The following CTNNA2 variants were observed in gnomAD, a reference collection of about 807,000 sequenced individuals.
CTNNA2 encodes catenin alpha 2, also known as catenin alpha-2.
A neutral mutation model predicts 101.0 loss-of-function variants in CTNNA2; 42 were observed. The ratio of observed to expected loss-of-function variants is 0.42; its 90% CI spans 0.32 to 0.54. CTNNA2 has a LOEUF of 0.54. Ranked by LOEUF, CTNNA2 falls within the 20% of genes least tolerant of loss-of-function variation. The probability of loss-of-function intolerance (pLI) is 0.14; values close to 1 mark genes in which losing one functional copy is unlikely to be tolerated. For missense variants in CTNNA2, 871 were observed against 1,223.1 expected, an observed-to-expected ratio of 0.71 and a Z score of 4.29; for synonymous variants, 450 against 456.4, an observed-to-expected ratio of 0.99 and a Z score of 0.18.
intron 2 of CTNNA2, among the ~76,000 whole-genome samples, chr2:79,200,812 C>A (rs551078888): frequency 6.6e-6 from 1 of 151,754 alleles, no homozygotes; most frequent in Non-Finnish European, 1.5e-5. Context: ...CCATTGAGCT[C>A]CTTGAAAAAA....
chr2:80,485,596 T>G (rs1157068840), intron 9 of CTNNA2, among the ~76,000 whole-genome samples: 1 of 152,226 alleles, frequency 6.6e-6, no homozygotes, highest in Non-Finnish European at 1.5e-5. Flanking sequence ...AATCCATATG[T>G]GTTTCAGTAG....
At chr2:80,478,113 A>C (rs1290135997) in intron 9 of CTNNA2, among the ~76,000 whole-genome samples, 2 of 152,034 alleles carry the variant, frequency 1.3e-5, no homozygotes, top group East Asian at 3.9e-4. Flanking sequence ...GTGTCTCACT[A>C]TAGTTTTAAT....
chr2:80,493,616 T>C (rs1687227424), intron 9 of CTNNA2, among the ~76,000 whole-genome samples: 1 of 152,200 alleles, frequency 6.6e-6, no homozygotes, highest in Non-Finnish European at 1.5e-5. Flanking sequence ...TATTATCTTA[T>C]GGGAATCACT....
chr2:79,427,742 T>C (rs1030855041), intron 4 of CTNNA2, among the ~76,000 whole-genome samples: 1 of 152,088 alleles, frequency 6.6e-6, no homozygotes, highest in African/African-American at 2.4e-5. Context: ...CTTCCGTTCA[T>C]ACTCTGAGGT....
chr2:79,595,948 CAG>C (rs1195665005), intron 1 of CTNNA2, among the ~76,000 whole-genome samples: 1 of 150,504 alleles, frequency 6.6e-6, no homozygotes, highest in Non-Finnish European at 1.5e-5. Flanking sequence ...GCGTATGACA[CAG>C]ATCCATTCCG....
chr2:79,371,110 A>G (rs563471014), intron 3 of CTNNA2, among the ~76,000 whole-genome samples: 1 of 149,058 alleles, frequency 6.7e-6, no homozygotes, highest in African/African-American at 2.5e-5. Flanking sequence ...GAAGCCGAAT[A>G]ACTTCTAGCA....
At chr2:79,909,034 AC>A (rs1685610699) in intron 6 of CTNNA2, among the ~76,000 whole-genome samples, 1 of 152,220 alleles carries the variant, frequency 6.6e-6, no homozygotes, top group African/African-American at 2.4e-5. Flanking sequence ...CAAGTCTCAT[AC>A]ACACATTAGG....
chr2:80,137,588 G>A (rs188708048), intron 7 of CTNNA2, among the ~76,000 whole-genome samples: 5 of 152,190 alleles, frequency 3.3e-5, no homozygotes, highest in Non-Finnish European at 7.4e-5. Context: ...ACTAATGAAA[G>A]GCTAGTTAAG....
chr2:79,874,012 TG>T (rs1343678843), intron 5 of CTNNA2, 63 bp from the exon 6 acceptor site: 68 of 1,584,268 alleles, frequency 4.3e-5, no homozygotes, highest in Non-Finnish European at 5.4e-5. Flanking sequence ...GACTCCAAAC[TG>T]TGTTGCAAAT....
chr2:79,808,334 G>T (rs543428124), intron 3 of CTNNA2, among the ~76,000 whole-genome samples: 2 of 152,272 alleles, frequency 1.3e-5, no homozygotes, highest in East Asian at 1.9e-4. Flanking sequence ...CAGAAAATAT[G>T]TTGGCGAGGC....
intron 1 of CTNNA2, among the ~76,000 whole-genome samples, chr2:79,600,115 C>G (rs963441778): frequency 6.6e-6 from 1 of 152,090 alleles, no homozygotes; most frequent in Admixed American, 6.6e-5. Context: ...AGAATAATAG[C>G]AGTAAGATCT....
At chr2:80,119,469 T>C (rs538366584) in intron 7 of CTNNA2, among the ~76,000 whole-genome samples, 1 of 152,306 alleles carries the variant, frequency 6.6e-6, no homozygotes, top group South Asian at 2.1e-4. Flanking sequence ...AATATCTGTG[T>C]CTGTCATACC....
At chr2:79,581,132 TA>T (rs1425810939) in intron 1 of CTNNA2, among the ~76,000 whole-genome samples, 7 of 152,228 alleles carry the variant, frequency 4.6e-5, no homozygotes, top group African/African-American at 1.7e-4. Flanking sequence ...GTAATCTTGT[TA>T]AACATTCCCC....
chr2:79,307,095 T>C (rs1380433204), intron 2 of CTNNA2, among the ~76,000 whole-genome samples: 1 of 149,452 alleles, frequency 6.7e-6, no homozygotes, highest in Non-Finnish European at 1.5e-5. Flanking sequence ...TTTTCTAACA[T>C]TTATTTTATT....
At chr2:79,280,657 A>AGAGACAGAGAGAG (rs1334847406) in intron 2 of CTNNA2, among the ~76,000 whole-genome samples, 2 of 50,300 alleles carry the variant, frequency 4.0e-5, no homozygotes, top group Non-Finnish European at 3.8e-5. Context: ...GTGTGTGTGT[A>AGAGACAGAGAGAG]AGAGAAAGAG....
intron 7 of CTNNA2, among the ~76,000 whole-genome samples, chr2:80,088,047 G>C (rs894746705): frequency 1.3e-5 from 2 of 151,974 alleles, no homozygotes; most frequent in Non-Finnish European, 2.9e-5. Context: ...GACCCTTCTT[G>C]TTCATGGAAA....
At chr2:79,877,646 T>C (rs1266732421) in intron 6 of CTNNA2, among the ~76,000 whole-genome samples, 1 of 152,202 alleles carries the variant, frequency 6.6e-6, no homozygotes, top group African/African-American at 2.4e-5. Flanking sequence ...TGATATTTCA[T>C]TGGGTGAAAA....
At chr2:80,168,634 A>G (rs796600821) in intron 7 of CTNNA2, among the ~76,000 whole-genome samples, 15 of 152,252 alleles carry the variant, frequency 9.9e-5, no homozygotes, top group African/African-American at 3.4e-4. Flanking sequence ...CCATTCTTTT[A>G]TGTAATTAAT....
intron 2 of CTNNA2, among the ~76,000 whole-genome samples, chr2:79,266,146 G>A (rs1163925790): frequency 2.0e-5 from 3 of 152,042 alleles, no homozygotes; most frequent in African/African-American, 7.2e-5. Context: ...TACTGCTTTG[G>A]GGCATTCTGG....
Sources: allele counts gnomAD v4.1 joint callset (sites outside exome capture counted in the v4.1 genomes callset), GRCh38; gene constraint gnomAD v4.1.1; transcripts MANE v1.5; gene names NCBI Gene and HGNC (gene_info 2026-07-23, HGNC 2026-07-21).